The following SUGCT variants were observed in gnomAD, a reference collection of about 807,000 sequenced individuals.
The protein encoded by SUGCT is succinyl-CoA:glutarate CoA-transferase.
SUGCT carries 41 observed loss-of-function variants against 55.0 expected under a neutral mutation model. The ratio of observed to expected loss-of-function variants is 0.74; its 90% confidence interval spans 0.58 to 0.97. SUGCT has a LOEUF of 0.97. SUGCT is among the 50% of genes least tolerant of loss of function. The probability of loss-of-function intolerance (pLI) is 0.00; values close to 1 mark genes in which losing one functional copy is unlikely to be tolerated. For missense variants in SUGCT, 568 were observed against 547.8 expected (o/e 1.04, Z -0.37); for synonymous variants, 187 against 200.4 (o/e 0.93, Z 0.56).
At chr7:40,253,569 A>T (rs1306077606) in intron 7 of SUGCT, among the ~76,000 whole-genome samples, 6 of 150,382 alleles carry the variant, frequency 4.0e-5, no homozygotes, top group Non-Finnish European at 5.9e-5. Flanking sequence ...ATATATTTAC[A>T]TTTTTTTTTT....
intron 13 of SUGCT, among the ~76,000 whole-genome samples, chr7:40,858,682 G>A (rs1794327746): frequency 6.6e-6 from 1 of 152,118 alleles, no homozygotes; most frequent in Non-Finnish European, 1.5e-5. Flanking sequence ...GGAGAGCTGT[G>A]GACCCTGCCT....
chr7:40,906,882 T>C, the SUGCT span, among the ~76,000 whole-genome samples: 1 of 152,174 alleles, frequency 6.6e-6, no homozygotes, highest in Non-Finnish European at 1.5e-5. Flanking sequence ...AAGAACGCTC[T>C]ATAACTTAGA....
At chr7:40,306,714 GC>G (rs1480994183) in intron 8 of SUGCT, among the ~76,000 whole-genome samples, 1 of 152,138 alleles carries the variant, frequency 6.6e-6, no homozygotes, top group Non-Finnish European at 1.5e-5. Context: ...GAATAAATAA[GC>G]ACACTCTGTC....
the SUGCT span, among the ~76,000 whole-genome samples, chr7:41,014,917 C>T: frequency 2.0e-5 from 3 of 152,144 alleles, no homozygotes; most frequent in African/African-American, 4.8e-5. Context: ...CAAATAAAAG[C>T]ATGCAGCATA....
intron 9 of SUGCT, among the ~76,000 whole-genome samples, chr7:40,366,153 A>T (rs1583520954): frequency 6.6e-6 from 1 of 152,192 alleles, no homozygotes; most frequent in African/African-American, 2.4e-5. Context: ...GACAAAAACA[A>T]GAAATGGGGA....
chr7:40,920,731 AAG>A, the SUGCT span, among the ~76,000 whole-genome samples: 1 of 152,218 alleles, frequency 6.6e-6, no homozygotes, highest in Non-Finnish European at 1.5e-5. Flanking sequence ...CCCCAGATGA[AAG>A]AGAAAGGATG....
chr7:41,026,281 G>A, the SUGCT span, among the ~76,000 whole-genome samples: 1 of 152,172 alleles, frequency 6.6e-6, no homozygotes, highest in East Asian at 1.9e-4. Context: ...AAGGGGGTAT[G>A]TTTTCTCATC....
At chr7:40,826,774 C>T (rs964464618) in intron 13 of SUGCT, among the ~76,000 whole-genome samples, 3 of 152,092 alleles carry the variant, frequency 2.0e-5, no homozygotes, top group Non-Finnish European at 4.4e-5. Context: ...CTCTTGGGTG[C>T]CCTGTATTTC....
At chr7:40,402,691 A>G (rs1282285288) in intron 9 of SUGCT, among the ~76,000 whole-genome samples, 1 of 152,114 alleles carries the variant, frequency 6.6e-6, no homozygotes, top group Non-Finnish European at 1.5e-5. Flanking sequence ...TATTTTAATA[A>G]GAGCTATATT....
chr7:40,180,086 A>G (rs969010786), intron 1 of SUGCT, among the ~76,000 whole-genome samples: 3 of 152,002 alleles, frequency 2.0e-5, no homozygotes. Flanking sequence ...TGCACCAATC[A>G]CACGCACTTC....
intron 6 of SUGCT, among the ~76,000 whole-genome samples, chr7:40,220,917 G>A (rs1787983124): frequency 6.6e-6 from 1 of 152,098 alleles, no homozygotes; most frequent in Non-Finnish European, 1.5e-5. Context: ...TAAGTTAATT[G>A]GTATGAAGCC....
chr7:40,823,719 GA>G (rs1252737898), intron 13 of SUGCT, among the ~76,000 whole-genome samples: 1 of 151,676 alleles, frequency 6.6e-6, no homozygotes. Context: ...AAGGAAAAAT[GA>G]AAAAAAGTAT....
intron 6 of SUGCT, chr7:40,217,656 CTG>C (rs1477364790): frequency 1.0e-5 from 2 of 195,786 alleles, no homozygotes; most frequent in Non-Finnish European, 2.2e-5. Context: ...CTCTGAATGG[CTG>C]TAGAAACAGA....
intron 6 of SUGCT, among the ~76,000 whole-genome samples, chr7:40,224,455 T>C (rs1584388243): frequency 1.3e-5 from 2 of 151,906 alleles, no homozygotes; most frequent in South Asian, 4.2e-4. Context: ...AGTGTGTGTA[T>C]GTGATTGTGA....
the SUGCT span, among the ~76,000 whole-genome samples, chr7:40,879,062 G>T: frequency 2.0e-5 from 3 of 152,030 alleles, no homozygotes; most frequent in Admixed American, 6.6e-5. Context: ...AAAGTGCTGG[G>T]ATTACAGGCA....
At chr7:40,321,405 C>A (rs1795738604) in intron 9 of SUGCT, among the ~76,000 whole-genome samples, 1 of 141,240 alleles carries the variant, frequency 7.1e-6, no homozygotes, top group African/African-American at 2.6e-5. Flanking sequence ...TTTATTTTGA[C>A]AGAGTCTTGC....
chr7:40,713,122 TG>T (rs1584321329), intron 12 of SUGCT, among the ~76,000 whole-genome samples: 1 of 152,194 alleles, frequency 6.6e-6, no homozygotes, highest in South Asian at 2.1e-4. Flanking sequence ...CCTGCACCCC[TG>T]GCCCCAGTTA....
At chr7:40,266,309 C>T (rs945208733) in intron 7 of SUGCT, among the ~76,000 whole-genome samples, 1 of 150,736 alleles carries the variant, frequency 6.6e-6, no homozygotes, top group Non-Finnish European at 1.5e-5. Flanking sequence ...GCCACCATGC[C>T]TGGCTAATTT....
chr7:40,655,519 T>C (rs1363774394), intron 12 of SUGCT, among the ~76,000 whole-genome samples: 1 of 152,196 alleles, frequency 6.6e-6, no homozygotes, highest in South Asian at 2.1e-4. Flanking sequence ...AAGTTTTACT[T>C]TGCAAACTTG....
Sources: gnomAD v4.1 joint callset for allele counts (sites outside exome capture counted in the v4.1 genomes callset) on GRCh38, gnomAD v4.1.1 for gene constraint, MANE v1.5 for transcripts, NCBI Gene and HGNC (gene_info 2026-07-23, HGNC 2026-07-21) for gene names.